Variants in GUCY1A2 observed in about 807,000 individuals in gnomAD.
GUCY1A2 encodes guanylate cyclase 1 soluble subunit alpha 2.
GUCY1A2 carries 27 observed loss-of-function variants against 63.5 expected under a neutral mutation model. The observed-to-expected ratio is 0.43, with a 90% CI of 0.31 to 0.59. GUCY1A2 has a LOEUF of 0.59. GUCY1A2 is among the 20% of genes least tolerant of loss of function. The pLI is 0.11. For missense variants in GUCY1A2, 768 were observed against 913.3 expected, an observed-to-expected ratio of 0.84 and a Z score of 2.05; for synonymous variants, 364 against 343.5, an observed-to-expected ratio of 1.06 and a Z score of -0.66.
chr11:106,824,282 G>A (rs2135432207), intron 4 of GUCY1A2: 1 of 528,034 alleles, frequency 1.9e-6, no homozygotes, highest in Non-Finnish European at 2.9e-6. Context: ...AGTTGAACAT[G>A]AGAAAAGTCA....
chr11:106,758,699 G>A (rs1270413151), intron 6 of GUCY1A2, among the ~76,000 whole-genome samples: 3 of 152,168 alleles, frequency 2.0e-5, no homozygotes, highest in Non-Finnish European at 4.4e-5. Flanking sequence ...TACTGATTAG[G>A]ATTTAGTTCT....
chr11:106,709,501 A>ATATATTATTATATATTT (rs1863011058), intron 6 of GUCY1A2, among the ~76,000 whole-genome samples: 4 of 51,646 alleles, frequency 7.7e-5, no homozygotes, highest in South Asian at 5.0e-4. Flanking sequence ...TATATATAAT[A>ATATATTATTATATATTT]ATATATATTA....
chr11:106,736,859 C>T (rs776252214), intron 6 of GUCY1A2, among the ~76,000 whole-genome samples: 6 of 152,066 alleles, frequency 3.9e-5, no homozygotes, highest in East Asian at 1.9e-4. Context: ...TATCTCCAAA[C>T]GTGACACTTA....
intron 5 of GUCY1A2, among the ~76,000 whole-genome samples, chr11:106,777,630 T>A (rs1436369499): frequency 4.7e-5 from 6 of 127,252 alleles, no homozygotes; most frequent in Non-Finnish European, 7.7e-5. Flanking sequence ...AGTTGAACAA[T>A]GAGAACATGT....
Position 106,685,776 on chromosome 11 carries a change from C to T in GUCY1A2, c.*1773G>A. On this transcript the variant is annotated 3_prime_UTR_variant, in exon 8 of 8. Coordinates refer to ENST00000526355, the MANE Select transcript of GUCY1A2 (RefSeq NM_000855.3). ...CAGGCAAAGGTTTAGAGCTCAAGGT[C>T]TATTTCCTGTCTTCTCCATATAAAG... The T allele has an allele frequency of 4.4e-6, 1 of 226,974 alleles. No individual in the cohort carries two copies. The highest frequency in any genetic ancestry group is 8.8e-6 in the Non-Finnish European group (1 of 114,034). 14.1% of individuals were successfully genotyped at this position (226,974 alleles called of 1,614,324 possible). A position where few individuals can be genotyped will look rare whatever the true frequency, so the allele number is the denominator to read the frequency against.
intron 3 of GUCY1A2, 133 bp downstream of exon 3, chr11:106,978,486 C>T (rs2120117856): frequency 1.8e-6 from 1 of 566,018 alleles, no homozygotes; most frequent in East Asian, 3.1e-5. Flanking sequence ...TAACACCCAT[C>T]ACTTCACAAG....
At chr11:106,765,402 A>ACCAAGTTAGTAATTTCTAGTTGTTGGTT (rs1335539115) in intron 6 of GUCY1A2, among the ~76,000 whole-genome samples, 2 of 152,124 alleles carry the variant, frequency 1.3e-5, no homozygotes, top group African/African-American at 4.8e-5. Flanking sequence ...CTCCTTCCTC[A>ACCAAGTTAGTAATTTCTAGTTGTTGGTT]CCAAGTTAGT....
chr11:106,877,016 G>A lies in GUCY1A2; in HGVS notation c.1206+62444C>T, dbSNP rs572813143. Among the ~76,000 whole-genome samples the A allele has an allele frequency of 1.1e-4, 17 of 152,120 alleles. 1 individual carries two copies. The South Asian group carries it at 3.3e-3, about 30-fold the overall frequency. On this transcript the variant is annotated intron_variant, in intron 4 of 7. Coordinates refer to ENST00000526355, the MANE Select transcript of GUCY1A2 (RefSeq NM_000855.3). ...AAAATCACAGGGTCCTTATAAGAAC[G>A]AAGCAAAGGTTATAGTGATGCACTT...
intron 6 of GUCY1A2, among the ~76,000 whole-genome samples, chr11:106,709,180 T>TA (rs1862979803): frequency 7.7e-6 from 1 of 129,246 alleles, no homozygotes; most frequent in African/African-American, 2.8e-5. Context: ...TAACTATATA[T>TA]TATATATAAC....
intron 3 of GUCY1A2, among the ~76,000 whole-genome samples, chr11:106,968,581 T>C (rs1861155391): frequency 6.6e-6 from 1 of 152,214 alleles, no homozygotes; most frequent in South Asian, 2.1e-4. Flanking sequence ...GACTTCTATA[T>C]ATGCTCTACC....
intron 4 of GUCY1A2, chr11:106,826,667 G>A: frequency 6.2e-7 from 1 of 1,608,814 alleles, no homozygotes; most frequent in Non-Finnish European, 8.5e-7. Context: ...TTTGTCACAT[G>A]AGCAAACAGT....
At chr11:106,735,326 T>A (rs1427182022) in intron 6 of GUCY1A2, among the ~76,000 whole-genome samples, 1 of 152,080 alleles carries the variant, frequency 6.6e-6, no homozygotes, top group African/African-American at 2.4e-5. Context: ...TAACCATCAT[T>A]CTACTCTCTA....
intron 4 of GUCY1A2, among the ~76,000 whole-genome samples, chr11:106,896,170 A>C (rs1402384211): frequency 6.6e-6 from 1 of 151,984 alleles, no homozygotes; most frequent in Non-Finnish European, 1.5e-5. Flanking sequence ...TTAATATTTA[A>C]AAATAAATTA....
chr11:106,753,478 T>C (rs1863918667), intron 6 of GUCY1A2, among the ~76,000 whole-genome samples: 2 of 152,218 alleles, frequency 1.3e-5, no homozygotes, highest in African/African-American at 2.4e-5. Flanking sequence ...GGTTTTCTTC[T>C]AGGGTTTTTA....
At chr11:106,982,551 C>G (rs1861350919) in intron 2 of GUCY1A2, among the ~76,000 whole-genome samples, 1 of 152,124 alleles carries the variant, frequency 6.6e-6, no homozygotes, top group South Asian at 2.1e-4. Context: ...CAAAATTTTC[C>G]ACAAAGTCAA....
At chr11:106,786,417 T>G (rs185955917) in intron 5 of GUCY1A2, among the ~76,000 whole-genome samples, 292 of 152,298 alleles carry the variant, frequency 1.9e-3, no homozygotes, top group Non-Finnish European at 3.3e-3. Flanking sequence ...TGATTTGGCC[T>G]GGGAACTACT....
In GUCY1A2 at chr11:106,991,890, G is replaced by T. The variant is rs115083713; in HGVS notation, c.304-5759C>A. The stretch of plus-strand genomic sequence containing the variant: ...AGCTAGAATGACTACCGTGTTTTAC[G>T]CCAGGCACTGCTTTAAGCCCTCTAT... On this transcript the variant is annotated intron_variant, in intron 1 of 7. Transcript: ENST00000526355. Among the ~76,000 whole-genome samples the T allele has an allele frequency of 9.0e-3, 1,366 of 152,234 alleles. 25 individuals are homozygous for T. The highest frequency in any genetic ancestry group is 0.031 in the African/African-American group (1,281 of 41,508).
chr11:106,751,053 TCTC>T lies in GUCY1A2; in HGVS notation c.1836+25383_1836+25385del, dbSNP rs576688003. Among the ~76,000 whole-genome samples, 6 of 152,218 alleles carry T rather than the reference TCTC, an allele frequency of 3.9e-5. No homozygotes were observed. In the East Asian group the frequency reaches 9.7e-4, roughly 24 times the overall value. ...GTGCCACTGCATATTAATTCACACA[TCTC>T]CTCTTTAAGAATACCATTTTAATGG... On this transcript the variant is annotated intron_variant, in intron 6 of 7. Transcript: ENST00000526355.
At chr11:106,854,171 G>A (rs939807574) in intron 4 of GUCY1A2, among the ~76,000 whole-genome samples, 3 of 152,226 alleles carry the variant, frequency 2.0e-5, no homozygotes, top group African/African-American at 7.2e-5. Context: ...GGAGGGCCAG[G>A]TTGGCATGTG....
Sources: allele counts gnomAD v4.1 joint callset (sites outside exome capture counted in the v4.1 genomes callset), GRCh38; gene constraint gnomAD v4.1.1; transcripts MANE v1.5; gene names NCBI Gene and HGNC (gene_info 2026-07-23, HGNC 2026-07-21).